Variants in XPO1 observed in about 807,000 individuals in gnomAD.
The protein encoded by XPO1 is exportin-1.
A neutral mutation model predicts 133.3 loss-of-function variants in XPO1; 5 were observed. The ratio of observed to expected loss-of-function variants is 0.04; its 90% CI spans 0.02 to 0.08. XPO1 has a LOEUF of 0.08. XPO1 is among the 10% of genes least tolerant of loss of function. The pLI is 1.00. For missense variants in XPO1, 506 were observed against 1,267.5 expected (o/e 0.40, Z 9.12); for synonymous variants, 419 against 408.2 (o/e 1.03, Z -0.32).
intron 24 of XPO1, among the ~76,000 whole-genome samples, chr2:61,479,752 G>A (rs1233296140): frequency 6.6e-6 from 1 of 152,020 alleles, no homozygotes; most frequent in East Asian, 1.9e-4. Context: ...TACTAGAGAC[G>A]TAGTTTCACC....
chr2:61,511,323 C>T (rs1161672808), intron 4 of XPO1, among the ~76,000 whole-genome samples: 1 of 152,174 alleles, frequency 6.6e-6, no homozygotes, highest in Non-Finnish European at 1.5e-5. Context: ...GATGGGGTTT[C>T]ACCATGTTGG....
chr2:61,488,366 A>G (rs547465958), intron 18 of XPO1, 95 bp from the exon 19 acceptor site: 3 of 1,338,324 alleles, frequency 2.2e-6, no homozygotes, highest in East Asian at 2.3e-5. Flanking sequence ...TTACCATTAA[A>G]AAGTTTAAAG....
At chr2:61,536,504 C>A (rs1699359622) in intron 1 of XPO1, 1 of 152,280 alleles carries the variant, frequency 6.6e-6, no homozygotes, top group African/African-American at 2.4e-5. Flanking sequence ...TAAACAAAAC[C>A]CAGAAAATCA....
chr2:61,482,625 A>G, intron 22 of XPO1, 86 bp from the exon 23 acceptor site: 1 of 989,140 alleles, frequency 1.0e-6, no homozygotes, highest in African/African-American at 1.9e-5. Flanking sequence ...TTTTTTTTTT[A>G]GACGGAGTCT....
Position 61,488,350 on chromosome 2 carries a change from T to G in XPO1, c.2207-79A>C. ...TACTCAGGTGTACATTAGATGCAAT[T>G]CCATTTTACCATTAAAAAGTTTAAA... On this transcript the variant is annotated intron_variant, in intron 18 of 24. Transcript: ENST00000401558. The G allele has an allele frequency of 6.5e-6, 9 of 1,380,608 alleles. No homozygotes were observed. In the South Asian group the frequency reaches 1.2e-4, roughly 18 times the overall value. 85.5% of individuals were successfully genotyped at this position (1,380,608 alleles called of 1,614,324 possible). A position where few individuals can be genotyped will look rare whatever the true frequency, so the allele number is the denominator to read the frequency against.
intron 4 of XPO1, among the ~76,000 whole-genome samples, chr2:61,518,021 T>C (rs912994890): frequency 6.6e-6 from 1 of 151,978 alleles, no homozygotes; most frequent in Non-Finnish European, 1.5e-5. Context: ...TCCCAGCTAC[T>C]TGGGAGACTG....
intron 24 of XPO1, 117 bp from the exon 25 acceptor site, chr2:61,479,083 G>C: frequency 1.6e-6 from 2 of 1,251,386 alleles, no homozygotes; most frequent in Non-Finnish European, 2.2e-6. Flanking sequence ...TCCATAAAGT[G>C]GCTGGGTTTT....
chr2:61,483,185 T>A (rs113262337), intron 21 of XPO1, 94 bp from the exon 22 acceptor site: 54,460 of 1,391,974 alleles, frequency 0.039, 1,340 homozygotes, highest in Non-Finnish European at 0.046. Flanking sequence ...AATCTAACCC[T>A]GTTCTCCCTT....
At position 61,538,039 on chromosome 2, in the gene XPO1, TG is replaced by T. The variant is rs200038656; in HGVS notation, c.-485del. The T allele has an allele frequency of 0.014, 617 of 42,598 alleles. 22 individuals are homozygous for T. Among genetic ancestry groups the T allele is most frequent in the Admixed American group, 0.049 (247 of 5,068 alleles). The allele number at this position is 42,598 out of a possible 1,614,324, so 2.6% of individuals were successfully genotyped here. On this transcript the variant is annotated 5_prime_UTR_variant, in exon 1 of 25. Transcript: ENST00000401558. ...TCCCTCTCTCACGCGGCTCCGGCGC[TG>T]GCCCCCCCCCCCCCAAGGCTCGCCT...
intron 1 of XPO1, chr2:61,536,800 A>T (rs972368008): frequency 2.0e-5 from 3 of 152,278 alleles, no homozygotes; most frequent in African/African-American, 4.8e-5. Context: ...TGATCAGAGG[A>T]GGTCCGGGCT....
intron 4 of XPO1, among the ~76,000 whole-genome samples, chr2:61,510,863 G>A (rs562287716): frequency 2.0e-5 from 3 of 151,286 alleles, no homozygotes; most frequent in Non-Finnish European, 2.9e-5. Flanking sequence ...CTAGAGCCCC[G>A]GAAGTTGAGG....
At chr2:61,485,030 G>C (rs941811913) in intron 20 of XPO1, 1 of 152,114 alleles carries the variant, frequency 6.6e-6, no homozygotes, top group Non-Finnish European at 1.5e-5. Flanking sequence ...CAGGTGTTGA[G>C]CCACCACGCC....
intron 3 of XPO1, among the ~76,000 whole-genome samples, chr2:61,523,815 G>A (rs1020413493): frequency 6.6e-6 from 1 of 152,072 alleles, no homozygotes; most frequent in Non-Finnish European, 1.5e-5. Flanking sequence ...TGTTTTTGCT[G>A]TTTTCTTTCA....
At position 61,482,033 on chromosome 2, in the gene XPO1, C is replaced by CTTTTTTTTTTTTTTTTTTTTTTTTTTTT. The variant is rs1491506588; in HGVS notation, c.2972+346_2972+347insAAAAAAAAAAAAAAAAAAAAAAAAAAAA. On this transcript the variant is annotated intron_variant, in intron 23 of 24. Coordinates refer to ENST00000401558, the MANE Select transcript of XPO1 (RefSeq NM_003400.4). ...TACAGTCATGAGCCACCGTGCGTGG[C>CTTTTTTTTTTTTTTTTTTTTTTTTTTTT]CTTTTTTTTTTTTTTTTTTTTTTTG... Among the ~76,000 whole-genome samples the CTTTTTTTTTTTTTTTTTTTTTTTTTTTT allele has an allele frequency of 8.6e-4, 75 of 86,826 alleles. 20 individuals are homozygous for CTTTTTTTTTTTTTTTTTTTTTTTTTTTT. The highest frequency in any genetic ancestry group is 8.3e-3 in the Middle Eastern group (1 of 120). 57.0% of individuals were successfully genotyped at this position (86,826 alleles called of 152,430 possible).
chr2:61,523,175 A>G (rs1263306513), intron 3 of XPO1, among the ~76,000 whole-genome samples: 2 of 152,230 alleles, frequency 1.3e-5, no homozygotes, highest in Non-Finnish European at 2.9e-5. Context: ...AGTGTTTACA[A>G]GCATCACTGG....
intron 4 of XPO1, among the ~76,000 whole-genome samples, chr2:61,505,103 T>C (rs1055455798): frequency 1.3e-5 from 2 of 152,186 alleles, no homozygotes; most frequent in African/African-American, 4.8e-5. Flanking sequence ...CTTGAACTTC[T>C]GGACTCAAGC....
intron 6 of XPO1, among the ~76,000 whole-genome samples, chr2:61,501,203 G>C (rs1409483749): frequency 6.6e-6 from 1 of 152,088 alleles, no homozygotes; most frequent in Non-Finnish European, 1.5e-5. Flanking sequence ...ATGTTTCTAA[G>C]TCTTATTTAA....
rs774389345 is a variant in XPO1, at chr2:61,492,615, T to G, written c.1518A>C (p.Gly506=). ...GTTTTTCGTCCTCTTCATGCATTGC[T>G]CCACTAATGGAGCCTATTGCCCAAC... ...TLCWAIGSIS[G]AMHEEDEKRF... Residue 506 remains glycine, a synonymous_variant, in exon 14 of 25, where the codon GGA becomes GGC. Transcript: ENST00000401558. This position sits in a 1 kb window ranked among gnomAD's most constrained non-coding sequence, Gnocchi z 5.6. 6.2e-7 allele frequency: 1 copy of G among 1,613,780 alleles called. No homozygotes were observed.
intron 2 of XPO1, among the ~76,000 whole-genome samples, chr2:61,527,312 A>G (rs1698945417): frequency 7.7e-6 from 1 of 129,758 alleles, no homozygotes; most frequent in Admixed American, 9.0e-5. Context: ...TAACGAGGCC[A>G]TGACTCTCCA....
Sources: gnomAD v4.1 joint callset for allele counts (sites outside exome capture counted in the v4.1 genomes callset) on GRCh38, gnomAD v4.1.1 for gene constraint, Gnocchi (gnomAD v3.1) non-coding constraint, MANE v1.5 for transcripts, NCBI Gene and HGNC (gene_info 2026-07-23, HGNC 2026-07-21) for gene names.